PGGT1B: variants seen among roughly 807,000 people sequenced by gnomAD.
PGGT1B encodes the protein geranylgeranyl transferase type-1 subunit beta.
PGGT1B carries 30 observed loss-of-function variants against 46.1 expected under a neutral mutation model. That is an observed-to-expected ratio of 0.65 (90% CI 0.49 to 0.88). The LOEUF is 0.88. Ranked by LOEUF, PGGT1B falls within the 40% of genes least tolerant of loss-of-function variation. The probability of loss-of-function intolerance (pLI) is 0.00; values close to 1 mark genes in which losing one functional copy is unlikely to be tolerated. For synonymous variants in PGGT1B, 170 were observed against 160.0 expected, an observed-to-expected ratio of 1.06 and a Z score of -0.47; for missense variants, 376 against 455.9, an observed-to-expected ratio of 0.82 and a Z score of 1.60.
intron 6 of PGGT1B, among the ~76,000 whole-genome samples, chr5:115,230,054 T>G (rs190554642): frequency 6.6e-6 from 1 of 152,226 alleles, no homozygotes. Context: ...TAGAAATATC[T>G]TTTTATACAG....
chr5:115,253,610 T>C (rs1354834190), intron 1 of PGGT1B, among the ~76,000 whole-genome samples: 2 of 151,984 alleles, frequency 1.3e-5, no homozygotes, highest in Non-Finnish European at 2.9e-5. Context: ...CTTAGAAATA[T>C]GTGAAAATGT....
At chr5:115,262,655 G>T (rs1463552750) in intron 1 of PGGT1B, 57 bp downstream of exon 1, 4 of 1,546,622 alleles carry the variant, frequency 2.6e-6, no homozygotes, top group Non-Finnish European at 3.5e-6. Context: ...ACTCCGCCGC[G>T]CCTTTCCGCT....
intron 6 of PGGT1B, among the ~76,000 whole-genome samples, chr5:115,229,434 T>C (rs918322569): frequency 6.6e-6 from 1 of 152,160 alleles, no homozygotes; most frequent in Admixed American, 6.5e-5. Context: ...ATATACGCTT[T>C]GGGCATGAAC....
chr5:115,243,193 A>C (rs1757401793), intron 2 of PGGT1B, among the ~76,000 whole-genome samples: 2 of 152,216 alleles, frequency 1.3e-5, no homozygotes, highest in South Asian at 2.1e-4. Context: ...TTATAAAAAC[A>C]CTCATAACCT....
intron 6 of PGGT1B, among the ~76,000 whole-genome samples, chr5:115,226,108 A>G (rs1047960349): frequency 3.3e-5 from 5 of 152,124 alleles, no homozygotes; most frequent in Non-Finnish European, 7.4e-5. Context: ...CAGCGAGAAT[A>G]GTTTTATCTC....
intron 2 of PGGT1B, among the ~76,000 whole-genome samples, chr5:115,249,033 A>AT (rs1476425175): frequency 1.2e-4 from 18 of 152,302 alleles, no homozygotes; most frequent in African/African-American, 4.3e-4. Flanking sequence ...TTCTAGTTTA[A>AT]AACTTTAAAT....
intron 1 of PGGT1B, among the ~76,000 whole-genome samples, chr5:115,257,310 C>T (rs1005659760): frequency 2.6e-5 from 4 of 152,008 alleles, no homozygotes; most frequent in Non-Finnish European, 4.4e-5. Context: ...GTCAGGAACT[C>T]GAGACCAGCC....
intron 6 of PGGT1B, among the ~76,000 whole-genome samples, chr5:115,230,063 A>C (rs969133944): frequency 3.3e-5 from 5 of 152,108 alleles, no homozygotes; most frequent in Non-Finnish European, 7.4e-5. Context: ...CTTTTTATAC[A>C]GGTTTATGAT....
intron 5 of PGGT1B, among the ~76,000 whole-genome samples, chr5:115,232,744 T>C (rs72813826): frequency 0.041 from 6,190 of 152,050 alleles, 127 homozygotes; most frequent in Middle Eastern, 0.054. Context: ...AAAATGAGGA[T>C]AGCCTGTTCA....
chr5:115,254,857 C>A (rs564026793), intron 1 of PGGT1B, among the ~76,000 whole-genome samples: 2 of 152,114 alleles, frequency 1.3e-5, no homozygotes, highest in South Asian at 2.1e-4. Flanking sequence ...TTAATCCTAA[C>A]AACACACTGA....
intron 2 of PGGT1B, among the ~76,000 whole-genome samples, chr5:115,246,032 G>A (rs1391507534): frequency 6.6e-6 from 1 of 152,134 alleles, no homozygotes; most frequent in Non-Finnish European, 1.5e-5. Context: ...ATGCTCATTA[G>A]GAGGTAACAT....
At chr5:115,246,871 C>T (rs187850338) in intron 2 of PGGT1B, among the ~76,000 whole-genome samples, 34 of 152,124 alleles carry the variant, frequency 2.2e-4, no homozygotes, top group Admixed American at 1.9e-3. Context: ...TTAGATAGCA[C>T]TATATCATAA....
At chr5:115,254,170 C>T (rs1488819852) in intron 1 of PGGT1B, among the ~76,000 whole-genome samples, 1 of 151,940 alleles carries the variant, frequency 6.6e-6, no homozygotes, top group Non-Finnish European at 1.5e-5. Flanking sequence ...CTGAGGTATC[C>T]ACTGTATGTA....
rs1002411972 is a variant in PGGT1B, at chr5:115,205,537, A to C, written c.*6865T>G. On this transcript the variant is annotated 3_prime_UTR_variant, in exon 9 of 9. Coordinates refer to ENST00000419445, the MANE Select transcript of PGGT1B (RefSeq NM_005023.4). ...AATGTTATTTCTGGAGACAGAAAAC[A>C]TGCACTCTAGTTACAGTACTGCTAC... 3 of 152,160 alleles carry C rather than the reference A, an allele frequency of 2.0e-5. No individual in the cohort carries two copies. The highest frequency in any genetic ancestry group is 4.4e-5 in the Non-Finnish European group (3 of 67,996). 9.4% of individuals were successfully genotyped at this position (152,160 alleles called of 1,614,324 possible). A position where few individuals can be genotyped will look rare whatever the true frequency, so the allele number is the denominator to read the frequency against.
intron 5 of PGGT1B, among the ~76,000 whole-genome samples, chr5:115,232,228 C>T (rs893769962): frequency 6.6e-6 from 1 of 151,952 alleles, no homozygotes; most frequent in African/African-American, 2.4e-5. Flanking sequence ...CTAGGTATAC[C>T]ACCAGAAGAA....
At position 115,204,949 on chromosome 5, in the gene PGGT1B, T is replaced by C. The variant is rs529878439; in HGVS notation, c.*7453A>G. The C allele has an allele frequency of 1.1e-4, 16 of 152,170 alleles. No individual in the cohort carries two copies. The highest frequency in any genetic ancestry group is 3.3e-4 in the Admixed American group (5 of 15,272). 9.4% of individuals were successfully genotyped at this position (152,170 alleles called of 1,614,324 possible). A position where few individuals can be genotyped will look rare whatever the true frequency, so the allele number is the denominator to read the frequency against. On this transcript the variant is annotated 3_prime_UTR_variant, in exon 9 of 9. Coordinates refer to ENST00000419445, the MANE Select transcript of PGGT1B (RefSeq NM_005023.4). ...TCTGTAGTAGAAAAAAGATACTCTG[T>C]AACAGAATCTCATTTGTGGGTGTTC... is the stretch of plus-strand genomic sequence containing the variant.
intron 1 of PGGT1B, among the ~76,000 whole-genome samples, chr5:115,262,140 T>C (rs1425542093): frequency 6.6e-6 from 1 of 152,222 alleles, no homozygotes; most frequent in Non-Finnish European, 1.5e-5. Context: ...GTAAATGAAG[T>C]CGCTTAGTCT....
chr5:115,262,754 A>T lies in PGGT1B; in HGVS notation c.98T>A (p.Leu33His). 5 of 1,613,342 alleles carry T rather than the reference A, an allele frequency of 3.1e-6. No individual in the cohort carries two copies. The highest frequency in any genetic ancestry group is 4.2e-6 in the Non-Finnish European group (5 of 1,179,630). ...DRHVRFFQRCLQVLPERYSSL... is the reference protein window; with the variant it reads ...DRHVRFFQRCHQVLPERYSSL... ...AGAATAGCGCTCCGGCAAAACCTGG[A>T]GGCAGCGCTGGAAAAATCGCACGTG... Residue 33 changes from leucine to histidine, a missense_variant, in exon 1 of 9, where the codon CTC becomes CAC. By Grantham distance (99) the Leu-to-His change is moderately conservative. Coordinates refer to ENST00000419445, the MANE Select transcript of PGGT1B (RefSeq NM_005023.4).
intron 5 of PGGT1B, among the ~76,000 whole-genome samples, chr5:115,233,117 A>C (rs1757048755): frequency 6.6e-6 from 1 of 152,022 alleles, no homozygotes; most frequent in South Asian, 2.1e-4. Flanking sequence ...AAAATACAGC[A>C]AATGAAACGC....
Sources: gnomAD v4.1 joint callset for allele counts (sites outside exome capture counted in the v4.1 genomes callset) on GRCh38, gnomAD v4.1.1 for gene constraint, MANE v1.5 for transcripts, NCBI Gene and HGNC (gene_info 2026-07-23, HGNC 2026-07-21) for gene names.